The following PNPLA8 variants were observed in gnomAD, a reference collection of about 807,000 sequenced individuals.
PNPLA8 encodes the protein calcium-independent phospholipase A2-gamma.
Under a neutral mutation model 76.9 loss-of-function variants are expected in PNPLA8, and 39 were observed. The ratio of observed to expected loss-of-function variants is 0.51; its 90% CI spans 0.39 to 0.66. The LOEUF is 0.66. Among genes scored for constraint, PNPLA8 ranks in the 30% least tolerant of loss-of-function variants. The probability of loss-of-function intolerance (pLI) is 0.00; values close to 1 mark genes in which losing one functional copy is unlikely to be tolerated. For missense variants in PNPLA8, 887 were observed against 918.0 expected (o/e 0.97, Z 0.44); for synonymous variants, 301 against 307.9 (o/e 0.98, Z 0.24).
chr7:108,512,936 T>C (rs1035524818), intron 4 of PNPLA8, among the ~76,000 whole-genome samples: 1 of 152,144 alleles, frequency 6.6e-6, no homozygotes, highest in African/African-American at 2.4e-5. Flanking sequence ...AATCCATCAG[T>C]AGTACAACTG....
At chr7:108,491,002 C>T (rs1227696199) in intron 8 of PNPLA8, among the ~76,000 whole-genome samples, 2 of 152,038 alleles carry the variant, frequency 1.3e-5, no homozygotes, top group Non-Finnish European at 2.9e-5. Flanking sequence ...ATCTGTAATA[C>T]CTTAATAAAA....
intron 1 of PNPLA8, among the ~76,000 whole-genome samples, chr7:108,523,280 G>T (rs1367043683): frequency 6.6e-6 from 1 of 152,138 alleles, no homozygotes; most frequent in Admixed American, 6.5e-5. Flanking sequence ...AGTCAAAAGG[G>T]TGACAACAGT....
At chr7:108,510,551 G>A (rs1038158415) in intron 4 of PNPLA8, 2 of 1,404,922 alleles carry the variant, frequency 1.4e-6, no homozygotes. Context: ...GGTCCGAAAG[G>A]TGTTGCAGCT....
chr7:108,525,405 T>C (rs1864005093), intron 1 of PNPLA8, among the ~76,000 whole-genome samples: 1 of 152,248 alleles, frequency 6.6e-6, no homozygotes, highest in Non-Finnish European at 1.5e-5. Flanking sequence ...GTTTTTCCTA[T>C]GAGTCACCAT....
At chr7:108,520,389 T>C (rs1331246691) in intron 2 of PNPLA8, among the ~76,000 whole-genome samples, 4 of 152,084 alleles carry the variant, frequency 2.6e-5, no homozygotes, top group Non-Finnish European at 4.4e-5. Context: ...TTGGATCTCA[T>C]GGAGATAGAG....
Position 108,471,702 on chromosome 7 carries a change from A to T in PNPLA8, c.*699T>A, listed in dbSNP as rs1294081363. ...TTCAAACCATTTTATAACAGGGAAGAATAAGCTAGTGTTAGATCTGGAAAA... is the reference window on the plus strand; with the variant it reads ...TTCAAACCATTTTATAACAGGGAAGTATAAGCTAGTGTTAGATCTGGAAAA... On this transcript the variant is annotated 3_prime_UTR_variant, in exon 11 of 11. Coordinates refer to ENST00000257694, the MANE Select transcript of PNPLA8 (RefSeq NM_001256007.3). 1.3e-5 allele frequency: 2 copies of T among 152,230 alleles called. No homozygotes were observed. Among genetic ancestry groups the T allele is most frequent in the African/African-American group, 4.8e-5 (2 of 41,468 alleles). The allele number at this position is 152,230 out of a possible 1,614,324, so 9.4% of individuals were successfully genotyped here.
At chr7:108,521,067 A>G (rs1863701249) in intron 2 of PNPLA8, among the ~76,000 whole-genome samples, 1 of 152,186 alleles carries the variant, frequency 6.6e-6, no homozygotes, top group Admixed American at 6.5e-5. Context: ...CACTATGGAA[A>G]ATGAACTCAC....
At chr7:108,516,552 CA>C (rs964965722) in intron 2 of PNPLA8, among the ~76,000 whole-genome samples, 2 of 152,244 alleles carry the variant, frequency 1.3e-5, no homozygotes, top group African/African-American at 4.8e-5. Context: ...GACTTTGAGA[CA>C]ATATCAAATG....
chr7:108,487,978 T>A (rs745456604), intron 8 of PNPLA8, 25 bp from the exon 9 acceptor site: 31 of 1,397,590 alleles, frequency 2.2e-5, no homozygotes, highest in Non-Finnish European at 2.8e-5. Flanking sequence ...AGTGAACAAT[T>A]CCATCATTAA....
chr7:108,500,084 G>A (rs1861830237), intron 5 of PNPLA8, among the ~76,000 whole-genome samples: 1 of 152,006 alleles, frequency 6.6e-6, no homozygotes, highest in African/African-American at 2.4e-5. Context: ...TCTCTACAAT[G>A]CAAACACTGT....
At chr7:108,520,407 C>T (rs1863652324) in intron 2 of PNPLA8, among the ~76,000 whole-genome samples, 1 of 151,916 alleles carries the variant, frequency 6.6e-6, no homozygotes, top group African/African-American at 2.4e-5. Context: ...GAGAGTAGAA[C>T]GATAGATACC....
At chr7:108,502,856 C>T in intron 4 of PNPLA8, 1 of 353,014 alleles carries the variant, frequency 2.8e-6, no homozygotes. Flanking sequence ...AAAAATTAAC[C>T]AATATTCAAA....
At chr7:108,480,705 C>T in intron 9 of PNPLA8, 1 of 419,834 alleles carries the variant, frequency 2.4e-6, no homozygotes, top group Non-Finnish European at 4.9e-6. Flanking sequence ...GTGCATACAA[C>T]CTTGTAAAGC....
Position 108,472,609 on chromosome 7 carries a change from C to A in PNPLA8, c.2141G>T (p.Cys714Phe). 6.2e-7 allele frequency: 1 copy of A among 1,611,438 alleles called. No individual in the cohort carries two copies. The highest frequency in any genetic ancestry group is 8.5e-7 in the Non-Finnish European group (1 of 1,179,108). Residue 714 changes from cysteine (C) to phenylalanine (F), a missense_variant, in exon 11 of 11, where the codon TGT (cysteine) becomes TTT (phenylalanine). Physicochemically the swap from Cys to Phe is radical, Grantham distance 205 (BLOSUM62 -2). Coordinates refer to ENST00000257694, the MANE Select transcript of PNPLA8 (RefSeq NM_001256007.3). ...DTYFRFNPVMCENIPLDESRN... is the reference protein window; with the variant it reads ...DTYFRFNPVMFENIPLDESRN... Reference sequence around the variant, plus strand: ...ACTTTCATCTAGAGGTATGTTTTCACACATTACAGGATTGAATCTAAAATA... The same window carrying A: ...ACTTTCATCTAGAGGTATGTTTTCAAACATTACAGGATTGAATCTAAAATA...
chr7:108,513,950 T>A (rs573172189), intron 4 of PNPLA8, among the ~76,000 whole-genome samples, 194 bp downstream of exon 4: 36 of 152,158 alleles, frequency 2.4e-4, no homozygotes, highest in Admixed American at 2.3e-3. Context: ...ATATTGGTGC[T>A]AACAAAATAA....
In PNPLA8 at chr7:108,470,771, T is replaced by TA. The variant is rs2154514468; in HGVS notation, c.*1629dup. 2 of 152,330 alleles carry TA rather than the reference T, an allele frequency of 1.3e-5. No homozygotes were observed. Among genetic ancestry groups the TA allele is most frequent in the East Asian group, 3.9e-4 (2 of 5,182 alleles). 9.4% of individuals were successfully genotyped at this position (152,330 alleles called of 1,614,324 possible). A position where few individuals can be genotyped will look rare whatever the true frequency, so the allele number is the denominator to read the frequency against. On this transcript the variant is annotated 3_prime_UTR_variant, in exon 11 of 11. Coordinates refer to ENST00000257694, the MANE Select transcript of PNPLA8 (RefSeq NM_001256007.3). ...TTTTATACTATGTCTAAAGTTTATA[T>TA]AATTCGGATGTTAGAAAATTTTACA...
At position 108,526,118 on chromosome 7, in the gene PNPLA8, G is replaced by A; in HGVS notation, c.-219C>T. 2 of 985,006 alleles carry A rather than the reference G, an allele frequency of 2.0e-6. No individual in the cohort carries two copies. Among genetic ancestry groups the A allele is most frequent in the East Asian group, 1.1e-4 (1 of 8,816 alleles). The allele number at this position is 985,006 out of a possible 1,614,324, so 61.0% of individuals were successfully genotyped here. ...ACTCCAACCGGCCTGCATCAGCTGA[G>A]CTTCCAACACAAACACTGGCGCAGC... On this transcript the variant is annotated 5_prime_UTR_variant, in exon 1 of 11. Transcript: ENST00000257694.
At position 108,514,865 on chromosome 7, in the gene PNPLA8, A is replaced by G; in HGVS notation, c.627T>C (p.Asn209=). ...TACGTTTGAAATATGAATTAATATG[A>G]TTTGATAAAAAGTAGAATGAGTCTC... is the stretch of plus-strand genomic sequence containing the variant. ...KFGDSFYFLS[N]HINSYFKRKE... The change falls in exon 3 of 11, where the codon AAT becomes AAC. Residue 209 remains asparagine, a synonymous_variant. Coordinates refer to ENST00000257694, the MANE Select transcript of PNPLA8 (RefSeq NM_001256007.3). 1 of 1,609,812 alleles carries G rather than the reference A, an allele frequency of 6.2e-7. No individual in the cohort carries two copies. Among genetic ancestry groups the G allele is most frequent in the Non-Finnish European group, 8.5e-7 (1 of 1,177,040 alleles).
Position 108,509,728 on chromosome 7 carries a change from G to A in PNPLA8, c.1206+4416C>T, listed in dbSNP as rs371793958. On this transcript the variant is annotated intron_variant, in intron 4 of 10. Coordinates refer to ENST00000257694, the MANE Select transcript of PNPLA8 (RefSeq NM_001256007.3). ...TGCTGCTATAAAGACACATGCACAC[G>A]TATGTTTATTGCGGCATTATTCACA... 7.9e-5 allele frequency among the ~76,000 whole-genome samples: 12 copies of A among 150,952 alleles called. No individual in the cohort carries two copies. In the East Asian group the frequency reaches 2.2e-3, roughly 27 times the overall value.
Sources: gnomAD v4.1 joint callset for allele counts (sites outside exome capture counted in the v4.1 genomes callset) on GRCh38, gnomAD v4.1.1 for gene constraint, MANE v1.5 for transcripts, NCBI Gene and HGNC (gene_info 2026-07-23, HGNC 2026-07-21) for gene names.